USP7: variants seen among roughly 807,000 people sequenced by gnomAD.
The protein encoded by USP7 is ubiquitin C-terminal hydrolase 7.
A neutral mutation model predicts 162.9 loss-of-function variants in USP7; 9 were observed. The observed-to-expected ratio is 0.06, with a 90% CI of 0.03 to 0.10. The LOEUF is 0.10. USP7 is among the 10% of genes least tolerant of loss of function. The pLI is 1.00. For synonymous variants in USP7, 562 were observed against 475.9 expected (o/e 1.18, Z -2.35); for missense variants, 715 against 1,373.7 (o/e 0.52, Z 7.58).
chr16:8,932,977 G>A (rs955251027), intron 1 of USP7, among the ~76,000 whole-genome samples: 1 of 151,156 alleles, frequency 6.6e-6, no homozygotes, highest in East Asian at 1.9e-4. Context: ...AGTTTCGCTC[G>A]TTGCCCAGGC....
At chr16:8,899,334 C>G (rs1475179551) in intron 22 of USP7, 146 bp from the exon 23 acceptor site, 1 of 826,772 alleles carries the variant, frequency 1.2e-6, no homozygotes, top group African/African-American at 1.7e-5. Context: ...CTATATTATT[C>G]CTTAATGAAT....
At position 8,915,488 on chromosome 16, in the gene USP7, C is replaced by A; in HGVS notation, c.944G>T (p.Cys315Phe). The change falls in exon 9 of 31, where the codon TGT (cysteine) becomes TTT (phenylalanine). Residue 315 changes from cysteine to phenylalanine, a missense_variant. Cys to Phe is a radical substitution (Grantham distance 205). Transcript: ENST00000344836. ...DNVENKMKGT[C>F]VEGTIPKLFR... ...TAATTTGGGTATGGTGCCCTCTACA[C>A]AGGTGCCTTTCATCTTATTTTCCAC... is the stretch of plus-strand genomic sequence containing the variant. The A allele has an allele frequency of 6.2e-7, 1 of 1,613,578 alleles. No homozygotes were observed. The highest frequency in any genetic ancestry group is 8.5e-7 in the Non-Finnish European group (1 of 1,179,994).
chr16:8,900,104 G>GTT, intron 21 of USP7: 1 of 389,272 alleles, frequency 2.6e-6, no homozygotes, highest in Non-Finnish European at 4.6e-6. Flanking sequence ...GTCTCTGACC[G>GTT]TGAGTCAGGA....
intron 1 of USP7, among the ~76,000 whole-genome samples, chr16:8,932,649 GA>G (rs1898432110): frequency 6.6e-6 from 1 of 152,124 alleles, no homozygotes; most frequent in South Asian, 2.1e-4. Flanking sequence ...CAGGTACTCT[GA>G]AATGTCTTTC....
At position 8,905,346 on chromosome 16, in the gene USP7, A is replaced by C. The variant is rs897484871; in HGVS notation, c.1429-15T>G. The C allele has an allele frequency of 5.0e-6, 8 of 1,613,082 alleles. No homozygotes were observed. The highest frequency in any genetic ancestry group is 6.8e-6 in the Non-Finnish European group (8 of 1,179,136). ...AATTTACACCACTGCAAGGAAAACA[A>C]CACACACCAGCAGCGATCAAGCACT... On this transcript the variant is annotated splice_polypyrimidine_tract_variant and intron_variant, in intron 13 of 30. Coordinates refer to ENST00000344836, the MANE Select transcript of USP7 (RefSeq NM_003470.3).
At chr16:8,918,714 C>A (rs1458088533) in intron 6 of USP7, among the ~76,000 whole-genome samples, 1 of 152,144 alleles carries the variant, frequency 6.6e-6, no homozygotes, top group Admixed American at 6.5e-5. Context: ...GAGGCTGAGG[C>A]CAGAGAATCA....
chr16:8,903,042 A>ACC (rs2061802259), intron 16 of USP7, among the ~76,000 whole-genome samples: 2 of 152,132 alleles, frequency 1.3e-5, no homozygotes, highest in African/African-American at 4.8e-5. Context: ...AAAGGGGTGA[A>ACC]AACATGTCTG....
At chr16:8,941,994 C>A (rs538902425) in intron 1 of USP7, among the ~76,000 whole-genome samples, 1 of 152,202 alleles carries the variant, frequency 6.6e-6, no homozygotes, top group East Asian at 1.9e-4. Flanking sequence ...GAGGAGACAA[C>A]TGGCAAGCAC....
intron 21 of USP7, 80 bp from the exon 22 acceptor site, chr16:8,899,837 A>G (rs772130641): frequency 6.1e-6 from 9 of 1,473,332 alleles, no homozygotes; most frequent in African/African-American, 1.4e-5. Flanking sequence ...CATCTTTTAC[A>G]CAACAGTGAC....
At chr16:8,905,963 G>A (rs576879972) in intron 13 of USP7, among the ~76,000 whole-genome samples, 1 of 152,230 alleles carries the variant, frequency 6.6e-6, no homozygotes, top group South Asian at 2.1e-4. Flanking sequence ...TGTGGTCTTG[G>A]GGGTAGATTC....
At chr16:8,934,491 C>A (rs74010326) in intron 1 of USP7, among the ~76,000 whole-genome samples, 13 of 152,166 alleles carry the variant, frequency 8.5e-5, no homozygotes, top group Non-Finnish European at 1.5e-4. Flanking sequence ...GTAAGCTCTA[C>A]CCCCCATTTT....
At chr16:8,927,170 A>ATT (rs748238953) in intron 2 of USP7, among the ~76,000 whole-genome samples, 1 of 152,070 alleles carries the variant, frequency 6.6e-6, no homozygotes, top group Non-Finnish European at 1.5e-5. Flanking sequence ...AAAATACAAA[A>ATT]AATTAGCCAG....
chr16:8,893,123 T>C lies in USP7; in HGVS notation c.*875A>G, dbSNP rs1412754724. On this transcript the variant is annotated 3_prime_UTR_variant, in exon 31 of 31. Coordinates refer to ENST00000344836, the MANE Select transcript of USP7 (RefSeq NM_003470.3). The stretch of plus-strand genomic sequence containing the variant: ...TAAATATACAATTCATTTTTCCTTT[T>C]TTTTTCATTTTTAACTTTTTTACAA... 6.6e-6 allele frequency: 1 copy of C among 152,164 alleles called. No individual in the cohort carries two copies. The highest frequency in any genetic ancestry group is 1.9e-4 in the East Asian group (1 of 5,206). 9.4% of individuals were successfully genotyped at this position (152,164 alleles called of 1,614,324 possible). A position where few individuals can be genotyped will look rare whatever the true frequency, so the allele number is the denominator to read the frequency against.
At chr16:8,942,026 A>C (rs1899068407) in intron 1 of USP7, among the ~76,000 whole-genome samples, 1 of 152,248 alleles carries the variant, frequency 6.6e-6, no homozygotes, top group Admixed American at 6.5e-5. Context: ...TTCTGTGGCA[A>C]GCACAGAGTG....
chr16:8,932,462 C>G (rs1318456971), intron 1 of USP7, among the ~76,000 whole-genome samples: 14 of 152,014 alleles, frequency 9.2e-5, no homozygotes, highest in Non-Finnish European at 1.5e-5. Flanking sequence ...AAACTAGTCC[C>G]TAGACCATCA....
At chr16:8,894,230 C>T in intron 30 of USP7, 126 bp from the exon 31 acceptor site, 2 of 889,488 alleles carry the variant, frequency 2.2e-6, no homozygotes, top group African/African-American at 1.6e-5. Context: ...GAAGCCAGGA[C>T]CTGAGCTACA....
intron 1 of USP7, among the ~76,000 whole-genome samples, chr16:8,955,185 T>C (rs767584240): frequency 2.0e-5 from 3 of 152,260 alleles, no homozygotes; most frequent in African/African-American, 4.8e-5. Context: ...TTGTATTTAA[T>C]AAACTTGGGT....
At chr16:8,935,249 G>A (rs1004721682) in intron 1 of USP7, among the ~76,000 whole-genome samples, 1 of 146,222 alleles carries the variant, frequency 6.8e-6, no homozygotes. Context: ...CTCCCAGGCT[G>A]GAGTGCAATA....
Position 8,963,714 on chromosome 16 carries a change from G to GCC in USP7, c.-431_-430dup, listed in dbSNP as rs1294426392. Among the ~76,000 whole-genome samples the GCC allele has an allele frequency of 2.1e-5, 3 of 143,120 alleles. No homozygotes were observed. The highest frequency in any genetic ancestry group is 7.5e-5 in the African/African-American group (3 of 39,936). 93.9% of individuals were successfully genotyped at this position (143,120 alleles called of 152,430 possible). On this transcript the variant is annotated 5_prime_UTR_variant, in exon 1 of 31. Coordinates refer to ENST00000344836, the MANE Select transcript of USP7 (RefSeq NM_003470.3). ...TCGGGCCGGGCGCGGCGGACGGGAGGCCTGGCCGGCCGCGGCGGGCCTGCG... is the reference window on the plus strand; with the variant it reads ...TCGGGCCGGGCGCGGCGGACGGGAGGCCCCTGGCCGGCCGCGGCGGGCCTGCG...
Sources: gnomAD v4.1 joint callset for allele counts (sites outside exome capture counted in the v4.1 genomes callset) on GRCh38, gnomAD v4.1.1 for gene constraint, MANE v1.5 for transcripts, NCBI Gene and HGNC (gene_info 2026-07-23, HGNC 2026-07-21) for gene names.